KCNT2: variants seen among roughly 807,000 people sequenced by gnomAD.
KCNT2 encodes potassium channel subfamily T member 2.
A neutral mutation model predicts 153.8 loss-of-function variants in KCNT2; 67 were observed. The ratio of observed to expected loss-of-function variants is 0.44; its 90% CI spans 0.36 to 0.53. KCNT2 has a LOEUF of 0.53. KCNT2 is among the 20% of genes least tolerant of loss of function. The pLI, the probability that KCNT2 is intolerant of heterozygous loss-of-function variation, is 0.00. For missense variants in KCNT2, 975 were observed against 1,354.8 expected (o/e 0.72, Z 4.40); for synonymous variants, 500 against 458.8 (o/e 1.09, Z -1.15).
intron 5 of KCNT2, 72 bp from the exon 6 acceptor site, chr1:196,469,140 CTTAGAA>C: frequency 1.2e-6 from 1 of 811,862 alleles, no homozygotes; most frequent in East Asian, 2.7e-5. Flanking sequence ...AAAGACAGCA[CTTAGAA>C]TTTCTCTAGC....
chr1:196,313,673 CAAAA>C (rs996876908), intron 21 of KCNT2, among the ~76,000 whole-genome samples: 7 of 149,152 alleles, frequency 4.7e-5, no homozygotes, highest in African/African-American at 1.7e-4. Context: ...ACACACAACA[CAAAA>C]AAAAAGTTTC....
Position 196,467,735 on chromosome 1 carries a change from A to C in KCNT2, c.511T>G (p.Trp171Gly). 1 of 1,607,450 alleles carries C rather than the reference A, an allele frequency of 6.2e-7. No homozygotes were observed. The highest frequency in any genetic ancestry group is 8.5e-7 in the Non-Finnish European group (1 of 1,175,482). ...TTTTCCAAGGCATGTTTGGCAAGCCAACAGTTCAGAAAGACTGGGACAAAT... is the reference window on the plus strand; with the variant it reads ...TTTTCCAAGGCATGTTTGGCAAGCCCACAGTTCAGAAAGACTGGGACAAAT... ...NLFVPVFLNC[W>G]LAKHALENMI... Residue 171 changes from tryptophan (W) to glycine (G), a missense_variant, in exon 7 of 28, where the codon TGG becomes GGG. Transcript: ENST00000294725.
intron 8 of KCNT2, among the ~76,000 whole-genome samples, chr1:196,438,218 A>AAT (rs1056911166): frequency 6.6e-6 from 1 of 151,830 alleles, no homozygotes; most frequent in African/African-American, 2.4e-5. Flanking sequence ...AAATGAATCA[A>AAT]ATATATACAC....
chr1:196,450,411 C>T (rs1236125520), intron 8 of KCNT2, among the ~76,000 whole-genome samples: 1 of 151,844 alleles, frequency 6.6e-6, no homozygotes, highest in Non-Finnish European at 1.5e-5. Context: ...AGCTAAATGG[C>T]TATTTAACAT....
chr1:196,553,277 CA>C, intron 1 of KCNT2, among the ~76,000 whole-genome samples: 1 of 150,920 alleles, frequency 6.6e-6, no homozygotes, highest in Admixed American at 6.6e-5. Context: ...AAATAGATTT[CA>C]AGACAAAAAC....
intron 1 of KCNT2, among the ~76,000 whole-genome samples, chr1:196,535,476 G>T (rs2148858490): frequency 6.6e-6 from 1 of 152,256 alleles, no homozygotes; most frequent in South Asian, 2.1e-4. Flanking sequence ...AAATATTTGA[G>T]AAAACATAGT....
At chr1:196,456,249 C>T (rs557021433) in intron 8 of KCNT2, among the ~76,000 whole-genome samples, 1 of 151,986 alleles carries the variant, frequency 6.6e-6, no homozygotes, top group African/African-American at 2.4e-5. Flanking sequence ...TTTTCTACTA[C>T]ACTTTAAGTA....
At chr1:196,454,812 GT>G (rs1356676032) in intron 8 of KCNT2, among the ~76,000 whole-genome samples, 2 of 151,924 alleles carry the variant, frequency 1.3e-5, no homozygotes, top group African/African-American at 2.4e-5. Context: ...CAATTCTAGA[GT>G]CCAGAAGTCT....
At chr1:196,542,847 C>A (rs1214008209) in intron 1 of KCNT2, among the ~76,000 whole-genome samples, 1 of 151,970 alleles carries the variant, frequency 6.6e-6, no homozygotes, top group Non-Finnish European at 1.5e-5. Flanking sequence ...GAAGAACTGT[C>A]AGTCTATGTG....
At chr1:196,236,204 G>T in intron 26 of KCNT2, 134 bp from the exon 27 acceptor site, 1 of 609,512 alleles carries the variant, frequency 1.6e-6, no homozygotes, top group Non-Finnish European at 2.9e-6. Context: ...GCATGATTGT[G>T]CACATAAGTT....
chr1:196,558,243 C>T (rs945512688), intron 1 of KCNT2, among the ~76,000 whole-genome samples: 3 of 151,358 alleles, frequency 2.0e-5, no homozygotes, highest in Non-Finnish European at 4.4e-5. Context: ...TCAAATGTCA[C>T]ATGAAAATAT....
intron 8 of KCNT2, among the ~76,000 whole-genome samples, chr1:196,436,777 C>T (rs1674700934): frequency 6.6e-6 from 1 of 150,442 alleles, no homozygotes; most frequent in Non-Finnish European, 1.5e-5. Context: ...AAATACAGCA[C>T]ATTCATAAGC....
At chr1:196,244,283 T>C (rs1276968414) in intron 26 of KCNT2, among the ~76,000 whole-genome samples, 1 of 152,084 alleles carries the variant, frequency 6.6e-6, no homozygotes, top group Non-Finnish European at 1.5e-5. Context: ...GTGGTGGTTA[T>C]AGCAAGAGAT....
chr1:196,337,542 C>T (rs779901165), intron 16 of KCNT2, among the ~76,000 whole-genome samples: 4 of 152,012 alleles, frequency 2.6e-5, no homozygotes, highest in Non-Finnish European at 5.9e-5. Flanking sequence ...TCTACCTGTT[C>T]GTCCTCATCT....
intron 18 of KCNT2, among the ~76,000 whole-genome samples, chr1:196,327,548 G>A (rs952537072): frequency 1.5e-4 from 23 of 152,080 alleles, no homozygotes; most frequent in African/African-American, 4.6e-4. Flanking sequence ...TTATCTGCAC[G>A]GAGAACTGTT....
At chr1:196,493,966 C>T (rs1680053282) in intron 1 of KCNT2, among the ~76,000 whole-genome samples, 1 of 152,156 alleles carries the variant, frequency 6.6e-6, no homozygotes, top group East Asian at 1.9e-4. Context: ...TGGAAAAGTT[C>T]TCTAGAAGTT....
At chr1:196,368,307 G>A (rs1340539410) in intron 14 of KCNT2, among the ~76,000 whole-genome samples, 4 of 152,038 alleles carry the variant, frequency 2.6e-5, no homozygotes, top group African/African-American at 9.7e-5. Context: ...CCCTCACTGC[G>A]TTTTCAATCT....
chr1:196,290,629 A>T (rs538570395), intron 22 of KCNT2, among the ~76,000 whole-genome samples: 2 of 151,854 alleles, frequency 1.3e-5, no homozygotes, highest in Admixed American at 1.3e-4. Context: ...TCATTTATAT[A>T]TCACCACTTA....
At chr1:196,359,343 ACTT>A (rs1299746872) in intron 14 of KCNT2, among the ~76,000 whole-genome samples, 5 of 151,922 alleles carry the variant, frequency 3.3e-5, no homozygotes, top group African/African-American at 1.2e-4. Flanking sequence ...TTCAATTCTC[ACTT>A]CTTCTATTTA....
Sources: gnomAD v4.1 joint callset for allele counts (sites outside exome capture counted in the v4.1 genomes callset) on GRCh38, gnomAD v4.1.1 for gene constraint, MANE v1.5 for transcripts, NCBI Gene and HGNC (gene_info 2026-07-23, HGNC 2026-07-21) for gene names.